AKT1: variants seen among roughly 807,000 people sequenced by gnomAD.
The protein encoded by AKT1 is AKT serine/threonine kinase 1.
AKT1 carries 21 observed loss-of-function variants against 63.1 expected under a neutral mutation model. That is an observed-to-expected ratio of 0.33 (90% CI 0.24 to 0.48). The LOEUF is 0.48. Among genes scored for constraint, AKT1 ranks in the 20% least tolerant of loss-of-function variants. The pLI is 0.99. For synonymous variants in AKT1, 257 were observed against 253.1 expected (o/e 1.02, Z -0.15); for missense variants, 382 against 666.0 (o/e 0.57, Z 4.69).
chr14:104,771,621 G>A (rs1892391535), intron 13 of AKT1: 1 of 233,304 alleles, frequency 4.3e-6, no homozygotes, highest in Middle Eastern at 1.3e-3. Flanking sequence ...GGGAGAACAG[G>A]TGCCCAGCTG....
At chr14:104,773,407 G>A (rs2140905965) in intron 10 of AKT1, 28 bp from the exon 11 acceptor site, 2 of 1,614,076 alleles carry the variant, frequency 1.2e-6, no homozygotes, top group Non-Finnish European at 1.7e-6. Context: ...TCAGGTCAGT[G>A]CCGCCAGGCC....
At chr14:104,792,786 G>A (rs937070472) in intron 2 of AKT1, 64 bp from the exon 3 acceptor site, 2 of 1,052,120 alleles carry the variant, frequency 1.9e-6, no homozygotes, top group Non-Finnish European at 2.9e-6. Flanking sequence ...CCTCGCCCTG[G>A]GTGAGCCAGA....
At chr14:104,788,603 G>A (rs1453741277) in intron 3 of AKT1, among the ~76,000 whole-genome samples, 11 of 152,206 alleles carry the variant, frequency 7.2e-5, no homozygotes, top group Non-Finnish European at 1.2e-4. Context: ...GATGCAGTGA[G>A]GTTCTATGTC....
intron 2 of AKT1, 152 bp from the exon 3 acceptor site, chr14:104,792,874 C>A (rs1473155911): frequency 2.2e-5 from 13 of 598,880 alleles, no homozygotes; most frequent in Non-Finnish European, 3.9e-5. Flanking sequence ...GCTCTCTGAC[C>A]CCCATCTGCC....
intron 4 of AKT1, among the ~76,000 whole-genome samples, chr14:104,779,649 A>G (rs777544765): frequency 3.8e-3 from 187 of 49,246 alleles, no homozygotes; most frequent in South Asian, 0.022. Context: ...CCTCGGCCTC[A>G]GGACTCTGCC....
At chr14:104,777,787 C>T in intron 4 of AKT1, 1 of 980,260 alleles carries the variant, frequency 1.0e-6, no homozygotes, top group South Asian at 4.7e-5. Flanking sequence ...GGCCAGGCAG[C>T]AAGGAAGCTG....
rs749225421 is a variant in AKT1, at chr14:104,792,664, C to T, written c.-21G>A. ...CTCATGGTGCCCGAGGCTCCCGCGA[C>T]GCTCACGCGCTCCTCTCAGGCTGGC... On this transcript the variant is annotated 5_prime_UTR_variant, in exon 3 of 15. Transcript: ENST00000649815. 5.0e-6 allele frequency: 8 copies of T among 1,607,576 alleles called. No homozygotes were observed. The highest frequency in any genetic ancestry group is 6.8e-6 in the Non-Finnish European group (8 of 1,179,816).
At chr14:104,779,045 A>G (rs1892882828) in intron 4 of AKT1, among the ~76,000 whole-genome samples, 1 of 152,182 alleles carries the variant, frequency 6.6e-6, no homozygotes, top group Admixed American at 6.5e-5. Context: ...GCTGGGCTCC[A>G]GGACAGGGAC....
chr14:104,774,793 A>G lies in AKT1; in HGVS notation c.633+145T>C, dbSNP rs112177269. The G allele has an allele frequency of 3.7e-5, 33 of 890,614 alleles. 1 individual carries two copies. Among genetic ancestry groups the G allele is most frequent in the African/African-American group, 3.2e-4 (19 of 59,148 alleles). The allele number at this position is 890,614 out of a possible 1,614,324, so 55.2% of individuals were successfully genotyped here. ...GGGCACCTCCACAGCCTGACCCTCC[A>G]GGGCAGGCCTGTCTCACCAGCGGCG... On this transcript the variant is annotated intron_variant, in intron 8 of 14. Coordinates refer to ENST00000649815, the MANE Select transcript of AKT1 (RefSeq NM_001382430.1).
intron 5 of AKT1, 101 bp from the exon 6 acceptor site, chr14:104,775,900 G>A: frequency 1.4e-6 from 2 of 1,439,892 alleles, no homozygotes; most frequent in South Asian, 2.7e-5. Context: ...TTCCACAGCT[G>A]TCGGGGTTCC....
rs554049991 is a variant in AKT1, at chr14:104,793,646, C to T, written c.-257-342G>A. 69 of 169,224 alleles carry T rather than the reference C, an allele frequency of 4.1e-4. 1 individual carries two copies. The highest frequency in any genetic ancestry group is 7.8e-4 in the Non-Finnish European group (61 of 77,750). The allele number at this position is 169,224 out of a possible 1,614,324, so 10.5% of individuals were successfully genotyped here. On this transcript the variant is annotated intron_variant, in intron 1 of 14. Transcript: ENST00000649815. ...AGTAAGTGGGGGAGCACTGGACAGG[C>T]CCCCGCCCTGCAGCGGCCCACCAGC...
chr14:104,791,687 T>C (rs1220850281), intron 3 of AKT1, among the ~76,000 whole-genome samples: 1 of 152,196 alleles, frequency 6.6e-6, no homozygotes, highest in Non-Finnish European at 1.5e-5. Flanking sequence ...CCAGCTGTGT[T>C]TGGGGTCTCC....
At chr14:104,791,220 G>C (rs1157448816) in intron 3 of AKT1, among the ~76,000 whole-genome samples, 1 of 152,156 alleles carries the variant, frequency 6.6e-6, no homozygotes, top group Non-Finnish European at 1.5e-5. Context: ...CCAGGCAGCA[G>C]ACTATGTGAC....
chr14:104,770,146 G>T lies in AKT1; in HGVS notation c.*195C>A, dbSNP rs1185623460. ...GGATGAAATAAATTAAAACCCGCAG[G>T]ATAGTTTTCTTCCCTACCCCGCTGC... On this transcript the variant is annotated 3_prime_UTR_variant, in exon 15 of 15. Coordinates refer to ENST00000649815, the MANE Select transcript of AKT1 (RefSeq NM_001382430.1). 1.6e-6 allele frequency: 1 copy of T among 624,306 alleles called. No individual in the cohort carries two copies. The highest frequency in any genetic ancestry group is 2.9e-6 in the Non-Finnish European group (1 of 350,250). 38.7% of individuals were successfully genotyped at this position (624,306 alleles called of 1,614,324 possible).
intron 3 of AKT1, among the ~76,000 whole-genome samples, chr14:104,788,111 C>T (rs1292478678): frequency 2.6e-5 from 4 of 152,196 alleles, no homozygotes; most frequent in Non-Finnish European, 4.4e-5. Context: ...GGCCTGCCCA[C>T]GGGGGCCGTT....
chr14:104,774,385 G>A (rs1453629009), intron 8 of AKT1: 4 of 271,714 alleles, frequency 1.5e-5, no homozygotes, highest in African/African-American at 2.2e-5. Context: ...GCAGGGGACA[G>A]TGCTCCCAGC....
intron 3 of AKT1, among the ~76,000 whole-genome samples, chr14:104,781,392 G>A (rs1466012201): frequency 2.6e-5 from 4 of 152,180 alleles, no homozygotes; most frequent in Non-Finnish European, 5.9e-5. Flanking sequence ...CAGTCCTGCT[G>A]GGTCTTCGTG....
chr14:104,776,630 G>T (rs570889914), intron 5 of AKT1, 29 bp downstream of exon 5: 2 of 1,598,316 alleles, frequency 1.3e-6, no homozygotes, highest in Non-Finnish European at 8.6e-7. Context: ...CTGCCCAAGT[G>T]CCTGGCCTGG....
chr14:104,792,707 G>A lies in AKT1; in HGVS notation c.-64C>T. ...AGGCTGGCGCTCCCCGAGCCCAGCT[G>A]GCCTGGCCACAGCCTCTGGGAGAAG... On this transcript the variant is annotated 5_prime_UTR_variant, in exon 3 of 15. Coordinates refer to ENST00000649815, the MANE Select transcript of AKT1 (RefSeq NM_001382430.1). The A allele has an allele frequency of 5.1e-6, 8 of 1,583,682 alleles. No individual in the cohort carries two copies. Among genetic ancestry groups the A allele is most frequent in the Non-Finnish European group, 6.9e-6 (8 of 1,163,690 alleles).
Sources: allele counts gnomAD v4.1 joint callset (sites outside exome capture counted in the v4.1 genomes callset), GRCh38; gene constraint gnomAD v4.1.1; transcripts MANE v1.5; gene names NCBI Gene and HGNC (gene_info 2026-07-23, HGNC 2026-07-21).